The following STPG2 variants were observed in gnomAD, a reference collection of about 807,000 sequenced individuals.
STPG2 encodes sperm-tail PG-rich repeat-containing protein 2.
STPG2 carries 56 observed loss-of-function variants against 54.2 expected under a neutral mutation model. The ratio of observed to expected loss-of-function variants is 1.03; its 90% confidence interval spans 0.83 to 1.29. The LOEUF is 1.29. STPG2 is among the 50% of genes most tolerant of loss of function. The pLI, the probability that STPG2 is intolerant of heterozygous loss-of-function variation, is 0.00. For missense variants in STPG2, 596 were observed against 544.9 expected (o/e 1.09, Z -0.93); for synonymous variants, 200 against 181.8 (o/e 1.10, Z -0.81).
chr4:97,826,799 G>T (rs1728273585), intron 9 of STPG2, among the ~76,000 whole-genome samples: 1 of 152,196 alleles, frequency 6.6e-6, no homozygotes, highest in South Asian at 2.1e-4. Flanking sequence ...CTATAATTCT[G>T]ATAAGACACA....
intron 10 of STPG2, among the ~76,000 whole-genome samples, chr4:97,573,094 T>C (rs1732640206): frequency 1.3e-5 from 2 of 152,114 alleles, no homozygotes; most frequent in Admixed American, 1.3e-4. Context: ...TTTCTGAGCC[T>C]AAATACGATA....
chr4:98,062,546 C>T (rs1737696171), intron 5 of STPG2, among the ~76,000 whole-genome samples: 1 of 152,022 alleles, frequency 6.6e-6, no homozygotes, highest in Non-Finnish European at 1.5e-5. Flanking sequence ...AAATAGGTAA[C>T]ACAAAAACTG....
chr4:97,538,779 G>T (rs11934983), intron 4 of STPG2, among the ~76,000 whole-genome samples: 18 of 151,896 alleles, frequency 1.2e-4, no homozygotes, highest in African/African-American at 3.9e-4. Context: ...AAAATGTTAA[G>T]GGCAGCCAGA....
chr4:97,867,467 C>T (rs1012468950), intron 8 of STPG2, among the ~76,000 whole-genome samples: 2 of 151,914 alleles, frequency 1.3e-5, no homozygotes, highest in African/African-American at 4.8e-5. Flanking sequence ...ATTTTTTTCT[C>T]CTAATGTCTC....
intron 5 of STPG2, among the ~76,000 whole-genome samples, chr4:98,045,521 A>G (rs1175091207): frequency 1.3e-5 from 2 of 152,150 alleles, no homozygotes; most frequent in East Asian, 3.9e-4. Flanking sequence ...CATTTCTTGT[A>G]AAACAAGTCT....
At chr4:97,728,462 T>C (rs1724687654) in intron 9 of STPG2, among the ~76,000 whole-genome samples, 1 of 152,112 alleles carries the variant, frequency 6.6e-6, no homozygotes, top group African/African-American at 2.4e-5. Flanking sequence ...AATTATTTCC[T>C]TTAGATTGAA....
At chr4:97,542,376 C>G (rs1578375790) in intron 4 of STPG2, among the ~76,000 whole-genome samples, 1 of 152,208 alleles carries the variant, frequency 6.6e-6, no homozygotes, top group East Asian at 1.9e-4. Context: ...AAATGCTCAT[C>G]ATCACTGGCC....
At position 97,850,484 on chromosome 4, in the gene STPG2, T is replaced by C. The variant is rs111933376; in HGVS notation, c.1045-9552A>G. ...TTTTTTTGTTTTGTTTTTAAAATGT[T>C]ATACAGAATTTAGCTAAAATTATCT... On this transcript the variant is annotated intron_variant, in intron 8 of 10. Coordinates refer to ENST00000295268, the MANE Select transcript of STPG2 (RefSeq NM_174952.3). 3.3e-3 allele frequency among the ~76,000 whole-genome samples: 502 copies of C among 151,964 alleles called. 4 individuals are homozygous for C. The highest frequency in any genetic ancestry group is 0.012 in the African/African-American group (483 of 41,526).
chr4:97,786,600 A>C (rs1726831419), intron 9 of STPG2, among the ~76,000 whole-genome samples: 1 of 152,098 alleles, frequency 6.6e-6, no homozygotes, highest in Non-Finnish European at 1.5e-5. Context: ...TAAATTATAC[A>C]CTGTTCGGAG....
At chr4:97,660,633 G>A (rs1020031369) in intron 10 of STPG2, among the ~76,000 whole-genome samples, 3 of 152,182 alleles carry the variant, frequency 2.0e-5, no homozygotes, top group East Asian at 1.9e-4. Context: ...CAATTCACAC[G>A]CAAGGCAAGT....
chr4:97,718,474 A>G (rs1385724851), intron 9 of STPG2, among the ~76,000 whole-genome samples: 1 of 152,036 alleles, frequency 6.6e-6, no homozygotes, highest in Non-Finnish European at 1.5e-5. Flanking sequence ...AGGAGCCTAC[A>G]TTATTTATTT....
At chr4:98,134,039 T>A (rs1740069767) in intron 2 of STPG2, among the ~76,000 whole-genome samples, 1 of 151,896 alleles carries the variant, frequency 6.6e-6, no homozygotes, top group African/African-American at 2.4e-5. Flanking sequence ...TTCTACGCAT[T>A]TTTACTATCT....
chr4:97,582,445 ATAT>A (rs1283842307), intron 10 of STPG2, among the ~76,000 whole-genome samples: 1 of 152,024 alleles, frequency 6.6e-6, no homozygotes, highest in African/African-American at 2.4e-5. Flanking sequence ...TAAGTAGAAG[ATAT>A]TATCTTTATT....
intron 10 of STPG2, among the ~76,000 whole-genome samples, chr4:97,589,673 C>T (rs1337266882): frequency 6.6e-6 from 1 of 152,146 alleles, no homozygotes; most frequent in East Asian, 1.9e-4. Context: ...AGGCAATATA[C>T]AGTAATGTGC....
chr4:97,677,406 G>C (rs1218314833), intron 10 of STPG2, among the ~76,000 whole-genome samples: 1 of 152,086 alleles, frequency 6.6e-6, no homozygotes, highest in African/African-American at 2.4e-5. Context: ...ACCAATTTCT[G>C]ATAGTTTATA....
intron 10 of STPG2, among the ~76,000 whole-genome samples, chr4:97,619,357 C>G (rs1313283638): frequency 6.6e-6 from 1 of 152,100 alleles, no homozygotes; most frequent in African/African-American, 2.4e-5. Context: ...TACCTGGACA[C>G]TACTTTCATG....
intron 10 of STPG2, among the ~76,000 whole-genome samples, chr4:97,589,614 G>A (rs1733086974): frequency 6.6e-6 from 1 of 151,804 alleles, no homozygotes. Flanking sequence ...AAATCCTATT[G>A]TCTTGGTCAT....
At chr4:97,910,144 T>C (rs1731622206) in intron 8 of STPG2, among the ~76,000 whole-genome samples, 1 of 152,310 alleles carries the variant, frequency 6.6e-6, no homozygotes, top group East Asian at 1.9e-4. Context: ...CAGAGTCCTG[T>C]TGACTCCCTA....
chr4:97,759,307 G>GA (rs533978061), intron 9 of STPG2, among the ~76,000 whole-genome samples: 183 of 150,558 alleles, frequency 1.2e-3, no homozygotes, highest in South Asian at 5.0e-3. Flanking sequence ...GCAGGGCTCA[G>GA]AAAAAAAAAT....
Sources: allele counts gnomAD v4.1 joint callset (sites outside exome capture counted in the v4.1 genomes callset), GRCh38; gene constraint gnomAD v4.1.1; transcripts MANE v1.5; gene names NCBI Gene and HGNC (gene_info 2026-07-23, HGNC 2026-07-21).